Variants in NHEJ1 observed in about 807,000 individuals in gnomAD.
NHEJ1 encodes non-homologous end joining factor 1.
A neutral mutation model predicts 39.4 loss-of-function variants in NHEJ1; 22 were observed. The ratio of observed to expected loss-of-function variants is 0.56; its 90% CI spans 0.40 to 0.80. The LOEUF is 0.80. Ranked by LOEUF, NHEJ1 falls within the 30% of genes least tolerant of loss-of-function variation. The probability of loss-of-function intolerance (pLI) is 0.00; values close to 1 mark genes in which losing one functional copy is unlikely to be tolerated. For missense variants in NHEJ1, 329 were observed against 357.1 expected, an observed-to-expected ratio of 0.92 and a Z score of 0.63; for synonymous variants, 154 against 135.6, an observed-to-expected ratio of 1.14 and a Z score of -0.94.
At chr2:219,110,616 G>A (rs1055222113) in intron 5 of NHEJ1, among the ~76,000 whole-genome samples, 2 of 152,000 alleles carry the variant, frequency 1.3e-5, no homozygotes, top group African/African-American at 4.8e-5. Flanking sequence ...GTGCTGGTGG[G>A]GTGGGGGTGG....
In NHEJ1 at chr2:219,153,592, C is replaced by T. The variant is rs554403477; in HGVS notation, c.390+3880G>A. ...CGGAGGCTTACGCCTATAATTCCAA[C>T]TCTTTGGGAAGCCAAAGTGAGAGGA... On this transcript the variant is annotated intron_variant, in intron 3 of 7. Transcript: ENST00000356853. Among the ~76,000 whole-genome samples, 16 of 151,046 alleles carry T rather than the reference C, an allele frequency of 1.1e-4. 1 individual carries two copies. The South Asian group carries it at 3.4e-3, about 32-fold the overall frequency.
chr2:219,084,466 C>T (rs1949094693), intron 5 of NHEJ1, among the ~76,000 whole-genome samples: 1 of 152,128 alleles, frequency 6.6e-6, no homozygotes, highest in Non-Finnish European at 1.5e-5. Context: ...AGAAATCTAC[C>T]CAGTAACCTG....
At chr2:219,084,726 T>C (rs1321574701) in intron 5 of NHEJ1, among the ~76,000 whole-genome samples, 1 of 152,170 alleles carries the variant, frequency 6.6e-6, no homozygotes, top group African/African-American at 2.4e-5. Flanking sequence ...ACTCAGTAGG[T>C]ATTGTCTTCC....
chr2:219,108,563 G>C (rs748697533), intron 5 of NHEJ1, among the ~76,000 whole-genome samples: 6 of 152,158 alleles, frequency 3.9e-5, no homozygotes, highest in Admixed American at 6.5e-5. Flanking sequence ...GGCACGCTCA[G>C]AACTAAACTT....
intron 5 of NHEJ1, among the ~76,000 whole-genome samples, chr2:219,132,590 C>G (rs1191592550): frequency 2.6e-5 from 4 of 152,106 alleles, no homozygotes; most frequent in African/African-American, 9.7e-5. Context: ...TAACAAAAGC[C>G]AAAGAGCTTT....
intron 5 of NHEJ1, among the ~76,000 whole-genome samples, chr2:219,114,717 G>C (rs1443339708): frequency 6.6e-6 from 1 of 152,182 alleles, no homozygotes; most frequent in African/African-American, 2.4e-5. Flanking sequence ...ATCTAATTCT[G>C]TATCTGGGGC....
chr2:219,095,496 A>G, intron 5 of NHEJ1: 1 of 337,258 alleles, frequency 3.0e-6, no homozygotes, highest in Non-Finnish European at 6.1e-6. Context: ...TCCTTCCCAT[A>G]TCATTCCCCA....
At chr2:219,137,244 T>A (rs1191829129) in intron 5 of NHEJ1, among the ~76,000 whole-genome samples, 1 of 152,174 alleles carries the variant, frequency 6.6e-6, no homozygotes, top group African/African-American at 2.4e-5. Context: ...GGTACATTCA[T>A]ATTTTCAGTA....
At chr2:219,145,198 G>C (rs1016428169) in intron 5 of NHEJ1, among the ~76,000 whole-genome samples, 1 of 151,754 alleles carries the variant, frequency 6.6e-6, no homozygotes, top group Non-Finnish European at 1.5e-5. Context: ...CTGGGTGACA[G>C]AGCAAGTGAG....
chr2:219,147,889 G>A, intron 3 of NHEJ1, 94 bp from the exon 4 acceptor site: 5 of 1,284,046 alleles, frequency 3.9e-6, no homozygotes, highest in Non-Finnish European at 5.5e-6. Flanking sequence ...AAAAATAAAT[G>A]TTCTTACAGA....
intron 5 of NHEJ1, chr2:219,095,301 G>A: frequency 2.1e-6 from 1 of 471,040 alleles, no homozygotes; most frequent in South Asian, 1.5e-5. Context: ...GATGCAGCAT[G>A]TAGAGTTCTA....
At chr2:219,147,543 A>G in intron 4 of NHEJ1, 114 bp downstream of exon 4, 5 of 1,290,428 alleles carry the variant, frequency 3.9e-6, no homozygotes, top group Non-Finnish European at 5.6e-6. Context: ...GTTAGTATTC[A>G]GCACCCATCC....
intron 5 of NHEJ1, among the ~76,000 whole-genome samples, chr2:219,092,362 A>G (rs965720623): frequency 6.6e-6 from 1 of 152,202 alleles, no homozygotes; most frequent in African/African-American, 2.4e-5. Flanking sequence ...AATATTTTAA[A>G]ACTAATCTGT....
chr2:219,097,105 TG>T (rs1949215839), intron 5 of NHEJ1, among the ~76,000 whole-genome samples: 1 of 152,234 alleles, frequency 6.6e-6, no homozygotes, highest in African/African-American at 2.4e-5. Flanking sequence ...TAGATGATTC[TG>T]CCCAACAGAA....
rs1371496689 is a variant in NHEJ1, at chr2:219,070,290, G to A, written c.*6091C>T. On this transcript the variant is annotated 3_prime_UTR_variant, in exon 8 of 8. Coordinates refer to ENST00000356853, the MANE Select transcript of NHEJ1 (RefSeq NM_024782.3). The stretch of plus-strand genomic sequence containing the variant: ...CAGCCTCTGCCTCCCGGGTTCCAGC[G>A]ATTCTCCTGCCTCAGCCTCCTGAGT... 6.6e-6 allele frequency among the ~76,000 whole-genome samples: 1 copy of A among 152,118 alleles called. No individual in the cohort carries two copies. The highest frequency in any genetic ancestry group is 2.1e-4 in the South Asian group (1 of 4,822).
At chr2:219,084,625 C>T (rs150135698) in intron 5 of NHEJ1, among the ~76,000 whole-genome samples, 45 of 152,296 alleles carry the variant, frequency 3.0e-4, no homozygotes, top group African/African-American at 1.0e-3. Context: ...CTTTTAGCCT[C>T]TGCTCCCTTA....
chr2:219,135,520 A>C (rs1949619209), intron 5 of NHEJ1, among the ~76,000 whole-genome samples: 1 of 152,122 alleles, frequency 6.6e-6, no homozygotes, highest in African/African-American at 2.4e-5. Context: ...GAGGCAGGAG[A>C]ATTGCTTGAA....
In NHEJ1 at chr2:219,076,554, G is replaced by A. The variant is rs1574697164; in HGVS notation, c.826-99C>T. On this transcript the variant is annotated intron_variant, in intron 7 of 7. Coordinates refer to ENST00000356853, the MANE Select transcript of NHEJ1 (RefSeq NM_024782.3). ...CTCTCATGGCTCCTGGTTAGGATGA[G>A]GCCTTTTTTTTTTTTTTTTTTTTTT... 6 of 774,876 alleles carry A rather than the reference G, an allele frequency of 7.7e-6. No homozygotes were observed. The East Asian group carries it at 1.4e-4, about 18-fold the overall frequency. 48.0% of individuals were successfully genotyped at this position (774,876 alleles called of 1,614,324 possible).
chr2:219,121,089 C>T (rs917717796), intron 5 of NHEJ1, among the ~76,000 whole-genome samples: 1 of 151,974 alleles, frequency 6.6e-6, no homozygotes, highest in Non-Finnish European at 1.5e-5. Flanking sequence ...GCCTATAATC[C>T]CAGCTACGTG....
Sources: allele counts gnomAD v4.1 joint callset (sites outside exome capture counted in the v4.1 genomes callset), GRCh38; gene constraint gnomAD v4.1.1; transcripts MANE v1.5; gene names NCBI Gene and HGNC (gene_info 2026-07-23, HGNC 2026-07-21).